The following PRKG1 variants were observed in gnomAD, a reference collection of about 807,000 sequenced individuals.
PRKG1 encodes the protein cGMP-dependent protein kinase 1.
Under a neutral mutation model 88.1 loss-of-function variants are expected in PRKG1, and 35 were observed. That is an observed-to-expected ratio of 0.40 (90% CI 0.30 to 0.53). The LOEUF is 0.53. Ranked by LOEUF, PRKG1 falls within the 20% of genes least tolerant of loss-of-function variation. The probability of loss-of-function intolerance (pLI) is 0.59; values close to 1 mark genes in which losing one functional copy is unlikely to be tolerated. For missense variants in PRKG1, 540 were observed against 839.8 expected (o/e 0.64, Z 4.41); for synonymous variants, 303 against 292.5 (o/e 1.04, Z -0.37).
intron 2 of PRKG1, among the ~76,000 whole-genome samples, chr10:51,219,974 A>C (rs1281991697): frequency 2.0e-5 from 3 of 152,124 alleles, no homozygotes; most frequent in Non-Finnish European, 4.4e-5. Context: ...AGCTGACCTT[A>C]AAATAGGAAG....
At chr10:51,840,607 C>T (rs12771623) in intron 4 of PRKG1, among the ~76,000 whole-genome samples, 11,365 of 151,502 alleles carry the variant, frequency 0.075, 446 homozygotes, top group Non-Finnish European at 0.087. Context: ...AGTGCAGTGG[C>T]GCGACCTCAG....
chr10:52,181,538 G>A (rs1158173386), intron 9 of PRKG1, among the ~76,000 whole-genome samples: 5 of 112,854 alleles, frequency 4.4e-5, no homozygotes, highest in African/African-American at 1.7e-4. Context: ...ACCCACTAAT[G>A]TGTCATCTAG....
chr10:51,657,096 T>C (rs1400037096), intron 3 of PRKG1, among the ~76,000 whole-genome samples: 1 of 152,138 alleles, frequency 6.6e-6, no homozygotes, highest in Non-Finnish European at 1.5e-5. Context: ...GCTGGGCACA[T>C]GTTTATTAGG....
rs571517967 is a variant in PRKG1 at position 52,183,861 on chromosome 10, A to G, written c.1076+21898A>G. Among the ~76,000 whole-genome samples the G allele has an allele frequency of 8.5e-5, 13 of 152,254 alleles. No individual in the cohort carries two copies. The South Asian group carries it at 2.5e-3, about 29-fold the overall frequency. The stretch of plus-strand genomic sequence containing the variant: ...GCTCTGGGCTTGCAATGACTATGGG[A>G]TTCTCTGTAATATGAATTATCCTTA... On this transcript the variant is annotated intron_variant, in intron 9 of 17. Coordinates refer to ENST00000373980, the MANE Select transcript of PRKG1 (RefSeq NM_006258.4).
At chr10:51,120,573 A>T (rs9415722) in intron 1 of PRKG1, among the ~76,000 whole-genome samples, 3 of 151,912 alleles carry the variant, frequency 2.0e-5, no homozygotes, top group Non-Finnish European at 4.4e-5. Flanking sequence ...TTTCTCAAGC[A>T]CATGTAGAGG....
At chr10:51,071,213 A>T (rs1843822445), upstream of PRKG1, among the ~76,000 whole-genome samples, 3 of 152,262 alleles carry the variant, frequency 2.0e-5, no homozygotes, top group South Asian at 6.2e-4. Context: ...AACGCAGAAG[A>T]TGTTTAAGAA....
chr10:51,613,295 GT>G (rs1163478514), intron 3 of PRKG1, among the ~76,000 whole-genome samples: 1 of 151,844 alleles, frequency 6.6e-6, no homozygotes, highest in Non-Finnish European at 1.5e-5. Flanking sequence ...AGATTTTCCA[GT>G]TTGTTAGTGT....
At chr10:52,282,392 A>T in intron 14 of PRKG1, 76 bp downstream of exon 14, 1 of 1,358,638 alleles carries the variant, frequency 7.4e-7, no homozygotes, top group Non-Finnish European at 9.9e-7. Context: ...TGTCACTTGG[A>T]TTAGACCATC....
intron 5 of PRKG1, among the ~76,000 whole-genome samples, chr10:52,022,532 G>C (rs1845212439): frequency 6.6e-6 from 1 of 152,042 alleles, no homozygotes; most frequent in Non-Finnish European, 1.5e-5. Flanking sequence ...TTATTATATA[G>C]TTACCTTTTT....
chr10:51,034,415 C>G (rs2132749898), intron 1 of PRKG1, among the ~76,000 whole-genome samples: 1 of 151,948 alleles, frequency 6.6e-6, no homozygotes, highest in East Asian at 1.9e-4. Context: ...GTCAGCAATT[C>G]TGCCATTTCT....
intron 2 of PRKG1, among the ~76,000 whole-genome samples, chr10:51,154,795 A>G (rs1367969924): frequency 6.6e-6 from 1 of 152,020 alleles, no homozygotes; most frequent in Non-Finnish European, 1.5e-5. Context: ...CACAATAAAC[A>G]AAAATACACA....
intron 2 of PRKG1, among the ~76,000 whole-genome samples, chr10:51,294,529 G>A (rs967924586): frequency 1.3e-5 from 2 of 152,120 alleles, no homozygotes; most frequent in Non-Finnish European, 2.9e-5. Flanking sequence ...ATGGTAATGG[G>A]TGGATTCGTT....
chr10:51,763,769 C>T (rs10999335), intron 3 of PRKG1, among the ~76,000 whole-genome samples: 1 of 151,850 alleles, frequency 6.6e-6, no homozygotes, highest in African/African-American at 2.4e-5. Context: ...TCTTACAGTT[C>T]TGGAGGTTGA....
At chr10:51,896,260 A>G (rs1018089615) in intron 4 of PRKG1, among the ~76,000 whole-genome samples, 1 of 152,202 alleles carries the variant, frequency 6.6e-6, no homozygotes. Flanking sequence ...CAGCATTCAG[A>G]ACATTTTGCA....
intron 1 of PRKG1, among the ~76,000 whole-genome samples, chr10:51,027,981 A>T (rs1179488455): frequency 1.3e-5 from 2 of 152,206 alleles, no homozygotes; most frequent in Non-Finnish European, 2.9e-5. Context: ...ATGCTAGACA[A>T]AGACAAGGCA....
intron 1 of PRKG1, among the ~76,000 whole-genome samples, chr10:51,129,547 A>G (rs1845513737): frequency 6.6e-6 from 1 of 152,218 alleles, no homozygotes. Context: ...ATTTGTGGAC[A>G]AAACTTTTTC....
At chr10:51,413,094 T>A (rs1388607405) in intron 2 of PRKG1, among the ~76,000 whole-genome samples, 1 of 152,228 alleles carries the variant, frequency 6.6e-6, no homozygotes, top group Non-Finnish European at 1.5e-5. Context: ...CTGAATGGTG[T>A]GAGAAATGTT....
intron 4 of PRKG1, among the ~76,000 whole-genome samples, chr10:51,868,247 A>T (rs1283589432): frequency 6.6e-6 from 1 of 152,308 alleles, no homozygotes; most frequent in East Asian, 1.9e-4. Flanking sequence ...CAAAAGTGAA[A>T]GTAGCAACCA....
chr10:51,679,043 A>G (rs1472294542), intron 3 of PRKG1, among the ~76,000 whole-genome samples: 1 of 152,180 alleles, frequency 6.6e-6, no homozygotes, highest in African/African-American at 2.4e-5. Flanking sequence ...CATGCCAGGT[A>G]TTAGGCTAGA....
Sources: allele counts gnomAD v4.1 joint callset (sites outside exome capture counted in the v4.1 genomes callset), GRCh38; gene constraint gnomAD v4.1.1; transcripts MANE v1.5; gene names NCBI Gene and HGNC (gene_info 2026-07-23, HGNC 2026-07-21).